Variants in GNA11 observed in about 807,000 individuals in gnomAD.
The protein encoded by GNA11 is G protein subunit alpha 11, also known as guanine nucleotide-binding protein subunit alpha-11.
GNA11 carries 8 observed loss-of-function variants against 38.2 expected under a neutral mutation model. The ratio of observed to expected loss-of-function variants is 0.21; its 90% confidence interval spans 0.12 to 0.38. The LOEUF (loss-of-function observed/expected upper bound fraction) is 0.38, where lower values mean the gene tolerates loss of function less well. Among genes scored for constraint, GNA11 ranks in the 10% least tolerant of loss-of-function variants. The pLI is 1.00. For synonymous variants in GNA11, 211 were observed against 221.4 expected, an observed-to-expected ratio of 0.95 and a Z score of 0.42; for missense variants, 268 against 516.3, an observed-to-expected ratio of 0.52 and a Z score of 4.66.
In GNA11 at chr19:3,120,486, G is replaced by T. The variant is rs944962716; in HGVS notation, c.890-503G>T. Among the ~76,000 whole-genome samples the T allele has an allele frequency of 6.6e-6, 1 of 152,106 alleles. No homozygotes were observed. Among genetic ancestry groups the T allele is most frequent in the Non-Finnish European group, 1.5e-5 (1 of 67,972 alleles). ...CCTGCATTGTCCAGGGTGGTGGAGGGGCAGGGGTGGCCGGTGGGAAGCAGC... is the reference window on the plus strand; with the variant it reads ...CCTGCATTGTCCAGGGTGGTGGAGGTGCAGGGGTGGCCGGTGGGAAGCAGC... On this transcript the variant is annotated intron_variant, in intron 6 of 6. Transcript: ENST00000078429. This position sits in a 1 kb window ranked among gnomAD's most constrained non-coding sequence, Gnocchi z 5.9.
At chr19:3,100,716 C>T (rs1913481660) in intron 1 of GNA11, among the ~76,000 whole-genome samples, 4 of 152,160 alleles carry the variant, frequency 2.6e-5, no homozygotes, top group Admixed American at 2.6e-4. Flanking sequence ...CTGGGCTGGC[C>T]AGCACGGGGC....
chr19:3,114,857 C>G (rs940070427), intron 3 of GNA11, 87 bp from the exon 4 acceptor site: 14 of 1,355,686 alleles, frequency 1.0e-5, no homozygotes, highest in Non-Finnish European at 1.4e-5. Context: ...TGGTGGCTTT[C>G]CGTCCTCCCG....
chr19:3,098,590 AG>A (rs1258048893), intron 1 of GNA11, among the ~76,000 whole-genome samples: 1 of 152,244 alleles, frequency 6.6e-6, no homozygotes, highest in Non-Finnish European at 1.5e-5. Flanking sequence ...TAAATAAAGC[AG>A]GATGGTTAGT....
chr19:3,097,025 G>A (rs768606590), intron 1 of GNA11, among the ~76,000 whole-genome samples: 3 of 152,170 alleles, frequency 2.0e-5, no homozygotes, highest in Non-Finnish European at 2.9e-5. Flanking sequence ...GACCACCTGA[G>A]GTCCAGGGGC....
intron 4 of GNA11, 54 bp downstream of exon 4, chr19:3,115,126 C>G (rs10407783): frequency 6.3e-7 from 1 of 1,583,678 alleles, no homozygotes; most frequent in Non-Finnish European, 8.6e-7. Context: ...CTCATTTGCC[C>G]GGTGTGCCGG....
At chr19:3,096,582 C>T (rs757997000) in intron 1 of GNA11, among the ~76,000 whole-genome samples, 16 of 152,152 alleles carry the variant, frequency 1.1e-4, no homozygotes, top group Non-Finnish European at 2.1e-4. Context: ...CAGGGGCTCC[C>T]GTGTCTGCCG....
chr19:3,118,872 G>C (rs2145325708), intron 4 of GNA11, 52 bp from the exon 5 acceptor site: 2 of 1,587,254 alleles, frequency 1.3e-6, no homozygotes, highest in African/African-American at 1.4e-5. Flanking sequence ...TGGGATTGCA[G>C]ATTGGGCCTT....
chr19:3,119,558 G>A lies in GNA11; in HGVS notation c.889+199G>A, dbSNP rs973481637. Among the ~76,000 whole-genome samples the A allele has an allele frequency of 2.0e-5, 3 of 149,956 alleles. No individual in the cohort carries two copies. The highest frequency in any genetic ancestry group is 2.1e-4 in the South Asian group (1 of 4,684). ...CCTGTACGGGAATGAGTTCTCCGAC[G>A]CGGGTGTCTCATACCCGTGGGAGAT... On this transcript the variant is annotated intron_variant, in intron 6 of 6. Transcript: ENST00000078429. This position sits in a 1 kb window ranked among gnomAD's most constrained non-coding sequence, Gnocchi z 4.6.
In GNA11 at chr19:3,123,495, C is replaced by T. The variant is rs549888293; in HGVS notation, c.*2316C>T. On this transcript the variant is annotated 3_prime_UTR_variant, in exon 7 of 7. Coordinates refer to ENST00000078429, the MANE Select transcript of GNA11 (RefSeq NM_002067.5). ...CCCACCCTTGCCACGTGTGGGGCCA[C>T]GTGGGCATGTGGGGTGTGTGTTTTT... is the stretch of plus-strand genomic sequence containing the variant. 23 of 233,330 alleles carry T rather than the reference C, an allele frequency of 9.9e-5. No individual in the cohort carries two copies. The highest frequency in any genetic ancestry group is 3.0e-4 in the East Asian group (5 of 16,578). The allele number at this position is 233,330 out of a possible 1,614,324, so 14.5% of individuals were successfully genotyped here. A position where few individuals can be genotyped will look rare whatever the true frequency, so the allele number is the denominator to read the frequency against.
At chr19:3,101,157 A>G (rs1169850716) in intron 1 of GNA11, among the ~76,000 whole-genome samples, 1 of 151,862 alleles carries the variant, frequency 6.6e-6, no homozygotes, top group Non-Finnish European at 1.5e-5. Context: ...GCAGGGACGG[A>G]GTGGGGTGGG....
intron 3 of GNA11, among the ~76,000 whole-genome samples, chr19:3,114,482 G>A (rs1212396148): frequency 6.6e-6 from 1 of 152,188 alleles, no homozygotes; most frequent in East Asian, 1.9e-4. Context: ...GCAGCAGGGA[G>A]ACGGGCACGG....
rs867068960 is a variant in GNA11, at chr19:3,120,739, G to A, written c.890-250G>A. Among the ~76,000 whole-genome samples the A allele has an allele frequency of 2.0e-5, 3 of 152,256 alleles. No individual in the cohort carries two copies. The highest frequency in any genetic ancestry group is 2.4e-5 in the African/African-American group (1 of 41,548). On this transcript the variant is annotated intron_variant, in intron 6 of 6. Coordinates refer to ENST00000078429, the MANE Select transcript of GNA11 (RefSeq NM_002067.5). The surrounding 1 kb of genome is among the most constrained non-coding windows in gnomAD (Gnocchi z 5.9). ...CAGAGGGCTGAGCAGAGGGAGCAGC[G>A]GTGGGTGCAGAGCCCCAGGTTGGAG...
Position 3,123,171 on chromosome 19 carries a change from T to C in GNA11, c.*1992T>C, listed in dbSNP as rs397454. ...TGTGCTTGTGGCATCTCTGAGGGCC[T>C]AGATTGCACAAGGTGACCTGGCCGT... On this transcript the variant is annotated 3_prime_UTR_variant, in exon 7 of 7. Transcript: ENST00000078429. 194,665 of 233,180 alleles carry C rather than the reference T, an allele frequency of 0.83. 81,546 individuals are homozygous for C. The highest frequency in any genetic ancestry group is 0.88 in the Admixed American group (15,724 of 17,802). The allele number at this position is 233,180 out of a possible 1,614,324, so 14.4% of individuals were successfully genotyped here.
intron 1 of GNA11, among the ~76,000 whole-genome samples, chr19:3,097,202 GGCT>G (rs1263767272): frequency 6.8e-6 from 1 of 147,892 alleles, no homozygotes; most frequent in East Asian, 2.0e-4. Context: ...GGGGCTGTTG[GGCT>G]GCAGCAGGTG....
chr19:3,111,161 A>G (rs1318974561), intron 2 of GNA11, among the ~76,000 whole-genome samples: 4 of 151,842 alleles, frequency 2.6e-5, no homozygotes, highest in Admixed American at 6.6e-5. Flanking sequence ...TTTTTAAATC[A>G]CAGCTTTATT....
chr19:3,112,606 G>A (rs1568282676), intron 2 of GNA11, among the ~76,000 whole-genome samples: 1 of 152,248 alleles, frequency 6.6e-6, no homozygotes, highest in Non-Finnish European at 1.5e-5. Flanking sequence ...TGTGCGGTTG[G>A]CCTTCCTTTG....
At chr19:3,100,919 G>A (rs1046973729) in intron 1 of GNA11, among the ~76,000 whole-genome samples, 1 of 152,210 alleles carries the variant, frequency 6.6e-6, no homozygotes. Flanking sequence ...CCTGCTGGCT[G>A]CTTTGCACCG....
intron 1 of GNA11, among the ~76,000 whole-genome samples, chr19:3,097,241 T>C (rs1766263493): frequency 6.6e-6 from 1 of 152,126 alleles, no homozygotes; most frequent in South Asian, 2.1e-4. Flanking sequence ...GCCCACGGAA[T>C]GTTCAGAGAC....
At chr19:3,097,959 G>T (rs1913414098) in intron 1 of GNA11, among the ~76,000 whole-genome samples, 2 of 152,216 alleles carry the variant, frequency 1.3e-5, no homozygotes, top group Non-Finnish European at 2.9e-5. Context: ...TCCCTTGGGG[G>T]GCACGTTGCC....
Sources: allele counts gnomAD v4.1 joint callset (sites outside exome capture counted in the v4.1 genomes callset), GRCh38; gene constraint gnomAD v4.1.1; non-coding constraint Gnocchi (gnomAD v3.1); transcripts MANE v1.5; gene names NCBI Gene and HGNC (gene_info 2026-07-23, HGNC 2026-07-21).